ADGRL3: variants seen among roughly 807,000 people sequenced by gnomAD.
ADGRL3 encodes adhesion G protein-coupled receptor L3, also known as calcium-independent alpha-latrotoxin receptor 3.
A neutral mutation model predicts 153.5 loss-of-function variants in ADGRL3; 62 were observed. That is an observed-to-expected ratio of 0.40 (90% confidence interval 0.33 to 0.50). The LOEUF (loss-of-function observed/expected upper bound fraction) is 0.50, where lower values mean the gene tolerates loss of function less well. ADGRL3 is among the 20% of genes least tolerant of loss of function. The pLI is 0.47. For missense variants in ADGRL3, 1,641 were observed against 1,859.4 expected (o/e 0.88, Z 2.16); for synonymous variants, 710 against 672.5 (o/e 1.06, Z -0.86).
intron 6 of ADGRL3, among the ~76,000 whole-genome samples, chr4:61,720,519 T>C (rs1482495200): frequency 6.6e-6 from 1 of 152,220 alleles, no homozygotes; most frequent in Non-Finnish European, 1.5e-5. Context: ...CTGCTAAATA[T>C]AACTTAGCAG....
chr4:61,541,725 C>G (rs933144457), intron 4 of ADGRL3, among the ~76,000 whole-genome samples: 1 of 152,058 alleles, frequency 6.6e-6, no homozygotes, highest in Non-Finnish European at 1.5e-5. Flanking sequence ...CCAGTGTTCC[C>G]TTGTGGCTCT....
intron 1 of ADGRL3, among the ~76,000 whole-genome samples, chr4:61,370,074 T>A (rs2096490156): frequency 6.6e-6 from 1 of 152,202 alleles, no homozygotes; most frequent in African/African-American, 2.4e-5. Context: ...TCGGTGGTGA[T>A]ATCCCCTTTA....
At chr4:61,797,113 C>T (rs1270482736) in intron 8 of ADGRL3, among the ~76,000 whole-genome samples, 4 of 152,092 alleles carry the variant, frequency 2.6e-5, no homozygotes. Context: ...GCCTTTTATC[C>T]TTACATGGCC....
Position 61,909,751 on chromosome 4 carries a change from G to C in ADGRL3, c.2073+6G>C. ...CTGCCCGGAGTTTGAACAAGGTAAG[G>C]ACCCTAATTATGTGTGTGTGTGTGT... On this transcript the variant is annotated splice_donor_region_variant and intron_variant, in intron 12 of 26. Transcript: ENST00000683033. 6.7e-7 allele frequency: 1 copy of C among 1,502,984 alleles called. No homozygotes were observed. Among genetic ancestry groups the C allele is most frequent in the Non-Finnish European group, 8.9e-7 (1 of 1,117,780 alleles). 93.1% of individuals were successfully genotyped at this position (1,502,984 alleles called of 1,614,324 possible).
At chr4:61,867,540 A>ATAT (rs201200813) in intron 9 of ADGRL3, among the ~76,000 whole-genome samples, 1 of 132,120 alleles carries the variant, frequency 7.6e-6, no homozygotes, top group Non-Finnish European at 1.7e-5. Context: ...ATATATATAT[A>ATAT]ATTGTAGGAG....
intron 9 of ADGRL3, among the ~76,000 whole-genome samples, chr4:61,880,492 T>A (rs532901068): frequency 4.6e-5 from 7 of 152,322 alleles, no homozygotes; most frequent in African/African-American, 1.7e-4. Flanking sequence ...TCAGACATAG[T>A]AGTATACATA....
At chr4:62,037,617 G>A in intron 23 of ADGRL3, 114 bp from the exon 24 acceptor site, 1 of 1,112,280 alleles carries the variant, frequency 9.0e-7, no homozygotes, top group Non-Finnish European at 1.3e-6. Flanking sequence ...TCTTACATCT[G>A]TAGGGCAAGG....
chr4:61,768,522 C>T (rs1471014870), intron 8 of ADGRL3, among the ~76,000 whole-genome samples: 1 of 151,988 alleles, frequency 6.6e-6, no homozygotes, highest in Non-Finnish European at 1.5e-5. Context: ...GCACCTCAGA[C>T]CATTTGCCCA....
rs72633424 is a variant in ADGRL3, at chr4:61,225,574, A to T, written c.-240+23809A>T. On this transcript the variant is annotated intron_variant, in intron 1 of 26. Coordinates refer to ENST00000683033, the MANE Select transcript of ADGRL3 (RefSeq NM_001387552.1). ...GTAAGATATGTGAAAATCAGTCCCAATACCATAGTCAAGATGTATCTGTGT... is the reference window on the plus strand; with the variant it reads ...GTAAGATATGTGAAAATCAGTCCCATTACCATAGTCAAGATGTATCTGTGT... Among the ~76,000 whole-genome samples, 59 of 152,312 alleles carry T rather than the reference A, an allele frequency of 3.9e-4. 1 individual carries two copies. The highest frequency in any genetic ancestry group is 7.5e-4 in the Non-Finnish European group (51 of 68,022).
chr4:61,749,296 G>C (rs549770117), intron 8 of ADGRL3, among the ~76,000 whole-genome samples: 5,504 of 151,252 alleles, frequency 0.036, 310 homozygotes, highest in African/African-American at 0.13. Flanking sequence ...GTGGAAGTCA[G>C]TGTGGCGATT....
In ADGRL3 at chr4:62,021,494, G is replaced by A. The variant is rs540956922; in HGVS notation, c.3396-7361G>A. ...ATATTATTATTTTATTCAAACATAAGACTCAAAAATTGCATACAGGCATAC... is the reference window on the plus strand; with the variant it reads ...ATATTATTATTTTATTCAAACATAAAACTCAAAAATTGCATACAGGCATAC... On this transcript the variant is annotated intron_variant, in intron 21 of 26. Coordinates refer to ENST00000683033, the MANE Select transcript of ADGRL3 (RefSeq NM_001387552.1). Among the ~76,000 whole-genome samples, 6 of 152,082 alleles carry A rather than the reference G, an allele frequency of 3.9e-5. No individual in the cohort carries two copies. In the South Asian group the frequency reaches 6.2e-4, roughly 16 times the overall value.
At chr4:61,409,862 A>C in intron 2 of ADGRL3, among the ~76,000 whole-genome samples, 1 of 152,010 alleles carries the variant, frequency 6.6e-6, no homozygotes, top group East Asian at 1.9e-4. Context: ...ATGCATTTTT[A>C]ATTCAATTTT....
At chr4:61,676,801 T>C in intron 5 of ADGRL3, 25 bp from the exon 6 acceptor site, 1 of 1,493,194 alleles carries the variant, frequency 6.7e-7, no homozygotes, top group Non-Finnish European at 9.3e-7. Flanking sequence ...AGCTTACTAC[T>C]TCTTTTCCTT....
At chr4:61,952,833 A>G (rs537428527) in intron 17 of ADGRL3, among the ~76,000 whole-genome samples, 29 of 152,214 alleles carry the variant, frequency 1.9e-4, no homozygotes, top group Admixed American at 7.9e-4. Flanking sequence ...ATATCATTTT[A>G]TGCTCAGTTC....
intron 8 of ADGRL3, among the ~76,000 whole-genome samples, chr4:61,757,153 T>A (rs1191716133): frequency 6.6e-6 from 1 of 152,182 alleles, no homozygotes; most frequent in African/African-American, 2.4e-5. Context: ...TTAGGGAAGA[T>A]TCCCTCTTTT....
intron 1 of ADGRL3, among the ~76,000 whole-genome samples, chr4:61,345,898 C>T (rs1045459794): frequency 2.0e-5 from 3 of 152,098 alleles, no homozygotes; most frequent in Non-Finnish European, 1.5e-5. Context: ...TCATCCTCTT[C>T]GATCCAAGAA....
intron 24 of ADGRL3, among the ~76,000 whole-genome samples, chr4:62,039,408 A>G (rs547874066): frequency 1.4e-4 from 22 of 152,212 alleles, no homozygotes; most frequent in Non-Finnish European, 1.0e-4. Flanking sequence ...TATCAATCTA[A>G]TATTTCCAAT....
intron 1 of ADGRL3, among the ~76,000 whole-genome samples, chr4:61,339,976 T>C (rs1400060406): frequency 2.0e-5 from 3 of 152,174 alleles, no homozygotes; most frequent in Non-Finnish European, 2.9e-5. Context: ...AACAACATTA[T>C]TGGGATCCCT....
At chr4:61,786,084 A>G (rs1291005392) in intron 8 of ADGRL3, among the ~76,000 whole-genome samples, 2 of 152,170 alleles carry the variant, frequency 1.3e-5, no homozygotes, top group Non-Finnish European at 2.9e-5. Context: ...AGTTATATAT[A>G]CTAGCTGGAT....
Sources: allele counts gnomAD v4.1 joint callset (sites outside exome capture counted in the v4.1 genomes callset), GRCh38; gene constraint gnomAD v4.1.1; transcripts MANE v1.5; gene names NCBI Gene and HGNC (gene_info 2026-07-23, HGNC 2026-07-21).